SYNE1: variants seen among roughly 807,000 people sequenced by gnomAD.
The protein encoded by SYNE1 is nesprin-1.
In SYNE1, 616 loss-of-function variants were observed where a neutral mutation model predicts 1,111.0. The observed-to-expected ratio is 0.55, with a 90% confidence interval of 0.52 to 0.59. The LOEUF is 0.59. Ranked by LOEUF, SYNE1 falls within the 20% of genes least tolerant of loss-of-function variation. The pLI, the probability that SYNE1 is intolerant of heterozygous loss-of-function variation, is 0.00. For synonymous variants in SYNE1, 3,855 were observed against 3,825.8 expected (o/e 1.01, Z -0.28); for missense variants, 10,006 against 10,417.0 (o/e 0.96, Z 1.72).
intron 131 of SYNE1, among the ~76,000 whole-genome samples, chr6:152,156,685 T>C (rs1456515159): frequency 6.6e-6 from 1 of 152,202 alleles, no homozygotes; most frequent in Non-Finnish European, 1.5e-5. Context: ...TCTGTATGTA[T>C]TCAATACAGA....
At position 152,330,811 on chromosome 6, in the gene SYNE1, G is replaced by T; in HGVS notation, c.13874C>A (p.Thr4625Asn). ...YENLLLTLQR[T>N]GQTILPSLNE... Reference sequence around the variant, plus strand: ...CAGCGATGGTAATATGGTCTGCCCAGTTCTCTGCAGCGTAAGTAGAAGATT... The same window carrying T: ...CAGCGATGGTAATATGGTCTGCCCATTTCTCTGCAGCGTAAGTAGAAGATT... The change falls in exon 78 of 146, where the codon ACT (threonine) becomes AAT (asparagine). Residue 4625 changes from threonine to asparagine, a missense_variant. By Grantham distance (65) the Thr-to-Asn change is moderately conservative. Transcript: ENST00000367255. 3 of 1,613,956 alleles carry T rather than the reference G, an allele frequency of 1.9e-6. No homozygotes were observed. The highest frequency in any genetic ancestry group is 1.7e-6 in the Non-Finnish European group (2 of 1,180,044).
intron 95 of SYNE1, among the ~76,000 whole-genome samples, chr6:152,286,715 T>C (rs933010619): frequency 6.6e-6 from 1 of 152,248 alleles, no homozygotes; most frequent in Non-Finnish European, 1.5e-5. Flanking sequence ...GTGTTTCTTT[T>C]GGTTCTGCAT....
intron 2 of SYNE1, among the ~76,000 whole-genome samples, chr6:152,632,630 A>G (rs1347424060): frequency 1.3e-5 from 2 of 152,178 alleles, no homozygotes; most frequent in Non-Finnish European, 2.9e-5. Context: ...AAATGCACAG[A>G]CTTTGATCTA....
At chr6:152,526,823 G>A (rs193085757) in intron 4 of SYNE1, among the ~76,000 whole-genome samples, 7 of 152,272 alleles carry the variant, frequency 4.6e-5, no homozygotes, top group Admixed American at 2.6e-4. Flanking sequence ...AGTACAGACC[G>A]ATCAGTGCAA....
chr6:152,252,250 C>A (rs1357794135), intron 104 of SYNE1, among the ~76,000 whole-genome samples: 2 of 151,578 alleles, frequency 1.3e-5, no homozygotes, highest in Admixed American at 6.6e-5. Flanking sequence ...CCAGCCTGGG[C>A]AACAAGAGCA....
chr6:152,353,653 C>T lies in SYNE1; in HGVS notation c.11018G>A (p.Ser3673Asn). Reference sequence around the variant, plus strand: ...CTGGGTGGCCTGGCAACCCATTCTGCTGTTCACGTGGCTCTCGTCCAGTAT... The same window carrying T: ...CTGGGTGGCCTGGCAACCCATTCTGTTGTTCACGTGGCTCTCGTCCAGTAT... ...QEILDESHVN[S>N]RMGCQATQLT... The change falls in exon 68 of 146, where the codon AGC (serine) becomes AAC (asparagine). Residue 3673 changes from serine to asparagine, a missense_variant. This residue lies in a region of SYNE1 where 4,955 missense variants were observed against 5,017.2 expected (regional missense o/e 0.99). Transcript: ENST00000367255. The T allele has an allele frequency of 2.5e-6, 4 of 1,614,228 alleles. No individual in the cohort carries two copies. Among genetic ancestry groups the T allele is most frequent in the Non-Finnish European group, 3.4e-6 (4 of 1,180,044 alleles).
chr6:152,341,185 G>A (rs1200002070), intron 74 of SYNE1, among the ~76,000 whole-genome samples: 1 of 152,078 alleles, frequency 6.6e-6, no homozygotes, highest in Non-Finnish European at 1.5e-5. Context: ...AGCGAACTAT[G>A]GTATTGTGAG....
rs2097142331 is a variant in SYNE1, at chr6:152,369,583, A to T, written c.9539T>A (p.Val3180Glu). ...CCAGTCCTGGATAGGCTCAGCACTT[A>T]CTTCAAAGTCCTTCATTTGGATCTT... ...NLKIQMKDFE[V>E]SAEPIQDWLS... Residue 3180 changes from valine (V) to glutamate (E), a missense_variant, in exon 60 of 146, where the codon GTA becomes GAA. Physicochemically the swap from Val to Glu is moderately radical, Grantham distance 121. Around this residue, in one of 7 missense-constraint regions of SYNE1, gnomAD observed 4,955 missense variants for 5,017.2 expected, o/e 0.99. Coordinates refer to ENST00000367255, the MANE Select transcript of SYNE1 (RefSeq NM_182961.4). 6.2e-7 allele frequency: 1 copy of T among 1,614,162 alleles called. No homozygotes were observed. Among genetic ancestry groups the T allele is most frequent in the Middle Eastern group, 1.6e-4 (1 of 6,062 alleles).
chr6:152,149,334 G>A (rs190463978), intron 136 of SYNE1, 143 bp downstream of exon 136: 17 of 948,504 alleles, frequency 1.8e-5, no homozygotes, highest in African/African-American at 4.9e-5. Flanking sequence ...AGGTGACAGC[G>A]ACAATGTAGG....
chr6:152,410,002 C>T (rs1359598304), intron 42 of SYNE1, among the ~76,000 whole-genome samples: 1 of 152,160 alleles, frequency 6.6e-6, no homozygotes, highest in African/African-American at 2.4e-5. Flanking sequence ...TTCTTGCCAA[C>T]TCAAACTTAC....
chr6:152,461,797 C>T, intron 20 of SYNE1, 57 bp from the exon 21 acceptor site: 6 of 1,611,140 alleles, frequency 3.7e-6, no homozygotes, highest in Admixed American at 3.3e-5. Context: ...TCTTAACTTC[C>T]GGATTCCACA....
At chr6:152,486,643 T>C in intron 12 of SYNE1, among the ~76,000 whole-genome samples, 1 of 152,248 alleles carries the variant, frequency 6.6e-6, no homozygotes, top group East Asian at 1.9e-4. Flanking sequence ...AATCATTTTT[T>C]AATGGATCTC....
chr6:152,453,565 C>T (rs372469033), intron 25 of SYNE1, 21 bp downstream of exon 25: 2 of 1,614,230 alleles, frequency 1.2e-6, no homozygotes, highest in African/African-American at 2.7e-5. Flanking sequence ...TGCACGGTGT[C>T]TCCGTCCTGT....
chr6:152,126,021 G>A lies in SYNE1; in HGVS notation c.26154-3345C>T, dbSNP rs1440741493. On this transcript the variant is annotated intron_variant, in intron 145 of 145. Coordinates refer to ENST00000367255, the MANE Select transcript of SYNE1 (RefSeq NM_182961.4). ...AAAATGTCACCATTTACAGAATGTG[G>A]ACTCCTATGTTGGAGTCTGTTGAAG... 2.6e-5 allele frequency: 4 copies of A among 152,310 alleles called. 1 individual carries two copies. The allele number at this position is 152,310 out of a possible 1,614,324, so 9.4% of individuals were successfully genotyped here.
At chr6:152,307,051 G>A (rs2095403773) in intron 91 of SYNE1, among the ~76,000 whole-genome samples, 1 of 152,010 alleles carries the variant, frequency 6.6e-6, no homozygotes, top group Non-Finnish European at 1.5e-5. Context: ...CAAAATTTTG[G>A]ATCTTCCTAG....
At position 152,412,851 on chromosome 6, in the gene SYNE1, A is replaced by ATTTT. The variant is rs373723820; in HGVS notation, c.6230+497_6230+500dup. ...CTTTAAGCATTCAATTTCACATGTA[A>ATTTT]TTTTTTTTTTTTTTTGGTGAGAAGG... On this transcript the variant is annotated intron_variant, in intron 42 of 145. Transcript: ENST00000367255. Among the ~76,000 whole-genome samples, 108 of 131,666 alleles carry ATTTT rather than the reference A, an allele frequency of 8.2e-4. 4 individuals carry two copies. The highest frequency in any genetic ancestry group is 2.7e-3 in the African/African-American group (96 of 35,352). The allele number at this position is 131,666 out of a possible 152,430, so 86.4% of individuals were successfully genotyped here.
intron 122 of SYNE1, among the ~76,000 whole-genome samples, chr6:152,214,106 C>A (rs1396723999): frequency 6.7e-6 from 1 of 148,936 alleles, no homozygotes; most frequent in East Asian, 2.0e-4. Context: ...GATGCTGAGA[C>A]AGGAGAATTG....
chr6:152,368,885 AT>A (rs2097130324), intron 61 of SYNE1, 86 bp downstream of exon 61: 20 of 1,572,744 alleles, frequency 1.3e-5, no homozygotes, highest in Non-Finnish European at 1.7e-5. Context: ...GCGGGTCAGG[AT>A]GCAATGCACA....
At chr6:152,180,707 A>G (rs2067756471) in intron 128 of SYNE1, among the ~76,000 whole-genome samples, 1 of 152,112 alleles carries the variant, frequency 6.6e-6, no homozygotes, top group African/African-American at 2.4e-5. Flanking sequence ...AGATGAAAGA[A>G]AAGAGTAAAA....
Sources: gnomAD v4.1 joint callset for allele counts (sites outside exome capture counted in the v4.1 genomes callset) on GRCh38, gnomAD v4.1.1 for gene constraint, gnomAD v4.1.1 regional missense constraint, MANE v1.5 for transcripts, NCBI Gene and HGNC (gene_info 2026-07-23, HGNC 2026-07-21) for gene names.